LMBRD1: variants seen among roughly 807,000 people sequenced by gnomAD.
LMBRD1 encodes LMBR1 domain containing 1, also known as lysosomal cobalamin transport escort protein LMBD1.
In LMBRD1, 64 loss-of-function variants were observed where a neutral mutation model predicts 74.8. The ratio of observed to expected loss-of-function variants is 0.86; its 90% CI spans 0.70 to 1.05. The LOEUF (loss-of-function observed/expected upper bound fraction) is 1.05, where lower values mean the gene tolerates loss of function less well. LMBRD1 is among the 50% of genes least tolerant of loss of function. The pLI, the probability that LMBRD1 is intolerant of heterozygous loss-of-function variation, is 0.00. For missense variants in LMBRD1, 652 were observed against 645.9 expected, an observed-to-expected ratio of 1.01 and a Z score of -0.10; for synonymous variants, 204 against 216.3, an observed-to-expected ratio of 0.94 and a Z score of 0.50.
chr6:69,738,121 TA>T, intron 6 of LMBRD1, 106 bp from the exon 7 acceptor site: 1 of 800,734 alleles, frequency 1.2e-6, no homozygotes. Context: ...TTTGAAGAAA[TA>T]AAAACCAATA....
rs1766428985 is a variant in LMBRD1 at position 69,713,627 on chromosome 6, T to A, written c.915+18A>T. On this transcript the variant is annotated intron_variant, in intron 9 of 15. Coordinates refer to ENST00000649934, the MANE Select transcript of LMBRD1 (RefSeq NM_018368.4). ...CTTGGGGAAGAGTGACAGCATAATT[T>A]TTAAAAACTTCATTTACCTTCAGGG... The A allele has an allele frequency of 6.2e-6, 10 of 1,612,850 alleles. No homozygotes were observed. Among genetic ancestry groups the A allele is most frequent in the Non-Finnish European group, 7.6e-6 (9 of 1,179,202 alleles).
chr6:69,700,120 T>C (rs9360398), intron 12 of LMBRD1, among the ~76,000 whole-genome samples: 1 of 152,000 alleles, frequency 6.6e-6, no homozygotes, highest in East Asian at 1.9e-4. Flanking sequence ...ATCTGACTTT[T>C]TGAGCTACTG....
At chr6:69,795,620 C>G (rs190670719) in intron 1 of LMBRD1, among the ~76,000 whole-genome samples, 1 of 152,194 alleles carries the variant, frequency 6.6e-6, no homozygotes, top group Non-Finnish European at 1.5e-5. Flanking sequence ...AGGGGGCTCT[C>G]CAAATACAGG....
intron 3 of LMBRD1, among the ~76,000 whole-genome samples, chr6:69,763,200 A>T (rs1038909423): frequency 6.6e-6 from 1 of 150,548 alleles, no homozygotes; most frequent in East Asian, 2.0e-4. Context: ...AAGTGGCTTG[A>T]TTCCTCCTGA....
Position 69,675,796 on chromosome 6 carries a change from A to G in LMBRD1, c.*362T>C. On this transcript the variant is annotated 3_prime_UTR_variant, in exon 16 of 16. Transcript: ENST00000649934. The stretch of plus-strand genomic sequence containing the variant: ...ACTTTAAAATTCCACATCACTCTGG[A>G]GAACCTAAGGCACAGATACAGATGA... 1 of 234,654 alleles carries G rather than the reference A, an allele frequency of 4.3e-6. No homozygotes were observed. The highest frequency in any genetic ancestry group is 5.2e-5 in the Admixed American group (1 of 19,392). The allele number at this position is 234,654 out of a possible 1,614,324, so 14.5% of individuals were successfully genotyped here.
At chr6:69,677,237 G>A (rs142793807) in intron 14 of LMBRD1, among the ~76,000 whole-genome samples, 131 of 152,278 alleles carry the variant, frequency 8.6e-4, no homozygotes, top group Non-Finnish European at 1.2e-3. Flanking sequence ...AGCAAGGTCT[G>A]TATGTTCAGA....
intron 3 of LMBRD1, among the ~76,000 whole-genome samples, chr6:69,759,039 C>T (rs1429660229): frequency 6.6e-6 from 1 of 152,080 alleles, no homozygotes; most frequent in Non-Finnish European, 1.5e-5. Context: ...GGAAGGGAAC[C>T]ATTATTTCAT....
intron 14 of LMBRD1, among the ~76,000 whole-genome samples, chr6:69,688,161 T>A (rs1261519349): frequency 6.6e-6 from 1 of 152,118 alleles, no homozygotes; most frequent in African/African-American, 2.4e-5. Flanking sequence ...TATTTCACCC[T>A]TTAAGACTTA....
intron 7 of LMBRD1, among the ~76,000 whole-genome samples, chr6:69,733,466 A>G (rs1460925709): frequency 6.6e-6 from 1 of 152,186 alleles, no homozygotes; most frequent in African/African-American, 2.4e-5. Context: ...CTGAATTTTT[A>G]CTAAAATTTC....
intron 3 of LMBRD1, among the ~76,000 whole-genome samples, chr6:69,757,411 T>A (rs932359855): frequency 5.3e-5 from 8 of 152,226 alleles, no homozygotes; most frequent in Admixed American, 3.9e-4. Flanking sequence ...CAACAGACTA[T>A]AATATCCCTC....
At chr6:69,724,668 A>G (rs1025947629) in intron 7 of LMBRD1, among the ~76,000 whole-genome samples, 2 of 151,496 alleles carry the variant, frequency 1.3e-5, no homozygotes, top group Non-Finnish European at 3.0e-5. Context: ...AATGTTCAAC[A>G]TCCTTTCAAG....
At chr6:69,750,156 A>T (rs542550404) in intron 4 of LMBRD1, among the ~76,000 whole-genome samples, 7 of 149,660 alleles carry the variant, frequency 4.7e-5, no homozygotes, top group Non-Finnish European at 1.0e-4. Context: ...ATATACTTAC[A>T]TACATTAATA....
At position 69,768,635 on chromosome 6, in the gene LMBRD1, T is replaced by G. The variant is rs74968643; in HGVS notation, c.307+11859A>C. Among the ~76,000 whole-genome samples, 1,073 of 152,124 alleles carry G rather than the reference T, an allele frequency of 7.1e-3. 23 individuals are homozygous for G. The East Asian group carries it at 0.079, about 11-fold the overall frequency. On this transcript the variant is annotated intron_variant, in intron 3 of 15. Coordinates refer to ENST00000649934, the MANE Select transcript of LMBRD1 (RefSeq NM_018368.4). Reference sequence around the variant, plus strand: ...GATAAGAAAAGGAGAAAAAATATAGTGCCTTTATATTAAACATTAACCATT... The same window carrying G: ...GATAAGAAAAGGAGAAAAAATATAGGGCCTTTATATTAAACATTAACCATT...
chr6:69,741,765 T>A, intron 6 of LMBRD1, 24 bp downstream of exon 6: 3 of 1,371,546 alleles, frequency 2.2e-6, no homozygotes, highest in Non-Finnish European at 3.1e-6. Flanking sequence ...AACTACTATG[T>A]TTTTTAAAAA....
At chr6:69,772,405 C>G (rs1188422960) in intron 3 of LMBRD1, among the ~76,000 whole-genome samples, 1 of 152,110 alleles carries the variant, frequency 6.6e-6, no homozygotes, top group Non-Finnish European at 1.5e-5. Flanking sequence ...TCTCCAAAAT[C>G]TGGAGTGTGA....
chr6:69,753,720 G>A (rs547087119), intron 3 of LMBRD1, among the ~76,000 whole-genome samples: 6 of 152,176 alleles, frequency 3.9e-5, no homozygotes, highest in Non-Finnish European at 7.4e-5. Context: ...GAGGCAAAAT[G>A]TGGTATACAG....
chr6:69,683,998 TG>T (rs1476664052), intron 14 of LMBRD1, among the ~76,000 whole-genome samples: 1 of 152,022 alleles, frequency 6.6e-6, no homozygotes, highest in Non-Finnish European at 1.5e-5. Flanking sequence ...AAATACAAAT[TG>T]GCATAAATGT....
chr6:69,711,215 A>T (rs1766376055), intron 9 of LMBRD1, among the ~76,000 whole-genome samples: 1 of 152,304 alleles, frequency 6.6e-6, no homozygotes, highest in African/African-American at 2.4e-5. Flanking sequence ...AAGCCATCAG[A>T]CAAAAGATTG....
intron 14 of LMBRD1, among the ~76,000 whole-genome samples, chr6:69,695,839 T>C (rs1267085592): frequency 1.1e-5 from 1 of 93,808 alleles, no homozygotes; most frequent in Non-Finnish European, 2.2e-5. Context: ...CTAACCTTAG[T>C]ACTTTTTTTT....
Sources: allele counts gnomAD v4.1 joint callset (sites outside exome capture counted in the v4.1 genomes callset), GRCh38; gene constraint gnomAD v4.1.1; transcripts MANE v1.5; gene names NCBI Gene and HGNC (gene_info 2026-07-23, HGNC 2026-07-21).